MTHFS: variants seen among roughly 807,000 people sequenced by gnomAD.
MTHFS encodes 5-formyltetrahydrofolate cyclo-ligase.
A neutral mutation model predicts 12.7 loss-of-function variants in MTHFS; 7 were observed. That is an observed-to-expected ratio of 0.55 (90% CI 0.31 to 1.03). The LOEUF is 1.03. MTHFS is among the 50% of genes least tolerant of loss of function. The probability of loss-of-function intolerance (pLI) is 0.05; values close to 1 mark genes in which losing one functional copy is unlikely to be tolerated. For synonymous variants in MTHFS, 100 were observed against 97.1 expected, an observed-to-expected ratio of 1.03 and a Z score of -0.18; for missense variants, 252 against 258.1, an observed-to-expected ratio of 0.98 and a Z score of 0.16.
chr15:79,845,456 G>A lies in MTHFS; in HGVS notation c.380-14C>T, dbSNP rs768734614. On this transcript the variant is annotated splice_polypyrimidine_tract_variant and intron_variant, in intron 2 of 2. Transcript: ENST00000258874. ...GATCAAGTCCCCCTGCGGAAAAGAG[G>A]AACAAATTTAAGAGGATTAATTGTT... The A allele has an allele frequency of 1.2e-6, 2 of 1,608,700 alleles. No individual in the cohort carries two copies. Among genetic ancestry groups the A allele is most frequent in the Non-Finnish European group, 8.5e-7 (1 of 1,176,020 alleles).
At chr15:79,865,014 T>C (rs1441319964) in intron 2 of MTHFS, among the ~76,000 whole-genome samples, 1 of 152,224 alleles carries the variant, frequency 6.6e-6, no homozygotes, top group South Asian at 2.1e-4. Context: ...CTTCCAAATA[T>C]TGTGATGTGT....
chr15:79,882,720 C>T (rs2034316513), intron 2 of MTHFS, among the ~76,000 whole-genome samples: 1 of 152,230 alleles, frequency 6.6e-6, no homozygotes. Context: ...AGACCCAAGG[C>T]TTCCATGCCA....
At chr15:79,881,689 A>C (rs1423045588) in intron 2 of MTHFS, among the ~76,000 whole-genome samples, 2 of 152,212 alleles carry the variant, frequency 1.3e-5, no homozygotes, top group Non-Finnish European at 2.9e-5. Flanking sequence ...ACAGTTACCA[A>C]GGGTACCTGT....
chr15:79,852,377 T>C (rs1264218481), intron 2 of MTHFS, among the ~76,000 whole-genome samples: 1 of 152,154 alleles, frequency 6.6e-6, no homozygotes, highest in East Asian at 1.9e-4. Flanking sequence ...AAAAATTGGG[T>C]TTTTAAAAAA....
intron 1 of MTHFS, among the ~76,000 whole-genome samples, chr15:79,895,915 G>C (rs2034559541): frequency 6.6e-6 from 1 of 152,200 alleles, no homozygotes; most frequent in Non-Finnish European, 1.5e-5. Context: ...ACTTACAACA[G>C]AATTACAAAT....
chr15:79,897,140 C>T (rs1039870792), upstream of MTHFS: 4 of 633,482 alleles, frequency 6.3e-6, no homozygotes, highest in South Asian at 3.1e-5. Flanking sequence ...GACGCGGGCC[C>T]GCGGCGCGCC....
At chr15:79,858,916 A>G (rs923661464) in intron 2 of MTHFS, among the ~76,000 whole-genome samples, 4 of 152,228 alleles carry the variant, frequency 2.6e-5, no homozygotes, top group Middle Eastern at 3.2e-3. Flanking sequence ...GCTTTCCTAT[A>G]TGACAAAAAT....
intron 2 of MTHFS, among the ~76,000 whole-genome samples, chr15:79,888,230 T>C (rs1240050995): frequency 6.6e-6 from 1 of 151,726 alleles, no homozygotes; most frequent in Non-Finnish European, 1.5e-5. Context: ...CAAAGTGGAG[T>C]TGGGAAACAG....
intron 2 of MTHFS, among the ~76,000 whole-genome samples, chr15:79,854,245 A>C (rs1176154275): frequency 1.3e-5 from 2 of 152,210 alleles, no homozygotes; most frequent in African/African-American, 4.8e-5. Context: ...AAAGAGATGG[A>C]GATGCTTAGA....
At chr15:79,874,040 A>G (rs1269940689) in intron 2 of MTHFS, among the ~76,000 whole-genome samples, 1 of 152,216 alleles carries the variant, frequency 6.6e-6, no homozygotes, top group Non-Finnish European at 1.5e-5. Context: ...CTAAAACTTG[A>G]ATGCACTCTG....
At chr15:79,850,650 T>C (rs2033699083) in intron 2 of MTHFS, among the ~76,000 whole-genome samples, 2 of 152,104 alleles carry the variant, frequency 1.3e-5, no homozygotes, top group Non-Finnish European at 2.9e-5. Context: ...CAGTGTCAAA[T>C]GTGGCAGAAT....
At chr15:79,897,040 G>T, upstream of MTHFS, 1 of 1,481,324 alleles carries the variant, frequency 6.8e-7, no homozygotes, top group Non-Finnish European at 8.9e-7. Context: ...GGCGCCCTCG[G>T]GTTCGGTCTC....
At chr15:79,850,894 A>T (rs1465786590) in intron 2 of MTHFS, among the ~76,000 whole-genome samples, 1 of 152,174 alleles carries the variant, frequency 6.6e-6, no homozygotes, top group Non-Finnish European at 1.5e-5. Context: ...AGTTCACCGT[A>T]CAAAACATTC....
chr15:79,889,279 C>G lies in MTHFS; in HGVS notation c.193G>C (p.Glu65Gln). 6.2e-7 allele frequency: 1 copy of G among 1,614,202 alleles called. No individual in the cohort carries two copies. Among genetic ancestry groups the G allele is most frequent in the Non-Finnish European group, 8.5e-7 (1 of 1,180,032 alleles). ...TGGAAAATGTCCTTGATGATCTCTTCTGTCTCAATTTCATCTTGCATGCTC... is the reference window on the plus strand; with the variant it reads ...TGGAAAATGTCCTTGATGATCTCTTGTGTCTCAATTTCATCTTGCATGCTC... ...FLSMQDEIET[E>Q]EIIKDIFQRG... Residue 65 changes from glutamate to glutamine, a missense_variant, in exon 2 of 3, where the codon GAA (glutamate) becomes CAA (glutamine). Coordinates refer to ENST00000258874, the MANE Select transcript of MTHFS (RefSeq NM_006441.4).
intron 2 of MTHFS, chr15:79,876,335 A>C (rs1285974714): frequency 6.6e-6 from 1 of 152,308 alleles, no homozygotes; most frequent in Non-Finnish European, 1.5e-5. Context: ...AAAGTAGGCC[A>C]GGCGCAATGG....
chr15:79,863,769 G>A (rs905948464), intron 2 of MTHFS, among the ~76,000 whole-genome samples: 5 of 152,172 alleles, frequency 3.3e-5, no homozygotes, highest in African/African-American at 9.7e-5. Context: ...GGACCATATG[G>A]CATATGCGGC....
chr15:79,880,538 A>T (rs1045550673), intron 2 of MTHFS, among the ~76,000 whole-genome samples: 1 of 152,086 alleles, frequency 6.6e-6, no homozygotes, highest in Non-Finnish European at 1.5e-5. Context: ...GCTGTACTTT[A>T]AAAAGGATAT....
At chr15:79,860,022 C>A (rs1324607329) in intron 2 of MTHFS, among the ~76,000 whole-genome samples, 2 of 152,056 alleles carry the variant, frequency 1.3e-5, no homozygotes, top group African/African-American at 2.4e-5. Flanking sequence ...CATTAATAAA[C>A]TTTACTAATA....
chr15:79,894,785 T>A (rs1253892086), intron 1 of MTHFS, among the ~76,000 whole-genome samples: 2 of 152,212 alleles, frequency 1.3e-5, no homozygotes, highest in African/African-American at 4.8e-5. Context: ...CCTTCCAGTA[T>A]TCTCTAACCT....
Sources: allele counts gnomAD v4.1 joint callset (sites outside exome capture counted in the v4.1 genomes callset), GRCh38; gene constraint gnomAD v4.1.1; transcripts MANE v1.5; gene names NCBI Gene and HGNC (gene_info 2026-07-23, HGNC 2026-07-21).